NIPAL3: variants seen among roughly 807,000 people sequenced by gnomAD.
NIPAL3 encodes NIPA-like protein 3.
Under a neutral mutation model 47.2 loss-of-function variants are expected in NIPAL3, and 41 were observed. The ratio of observed to expected loss-of-function variants is 0.87; its 90% CI spans 0.68 to 1.13. The LOEUF is 1.13. Among genes scored for constraint, NIPAL3 ranks in the 50% most tolerant of loss-of-function variants. NIPAL3 has a pLI of 0.00. For synonymous variants in NIPAL3, 194 were observed against 209.6 expected (o/e 0.93, Z 0.64); for missense variants, 449 against 530.1 (o/e 0.85, Z 1.50).
At chr1:24,435,755 A>T (rs1570255122) in intron 2 of NIPAL3, among the ~76,000 whole-genome samples, 1 of 152,296 alleles carries the variant, frequency 6.6e-6, no homozygotes, top group Non-Finnish European at 1.5e-5. Flanking sequence ...GGGGAGGAGG[A>T]CACCTTGCCA....
At chr1:24,418,867 C>T (rs1167382035) in intron 1 of NIPAL3, among the ~76,000 whole-genome samples, 1 of 150,684 alleles carries the variant, frequency 6.6e-6, no homozygotes, top group African/African-American at 2.4e-5. Context: ...TCTTCTGATT[C>T]TTTTCTTCCT....
intron 2 of NIPAL3, among the ~76,000 whole-genome samples, chr1:24,422,820 G>A (rs1644393834): frequency 6.6e-6 from 1 of 152,232 alleles, no homozygotes; most frequent in Non-Finnish European, 1.5e-5. Context: ...GCTTCACAGA[G>A]CATTATTCAA....
At chr1:24,422,961 T>A (rs1644401139) in intron 2 of NIPAL3, among the ~76,000 whole-genome samples, 1 of 152,244 alleles carries the variant, frequency 6.6e-6, no homozygotes, top group African/African-American at 2.4e-5. Flanking sequence ...GGTGCATACA[T>A]GTTACTGACG....
At chr1:24,464,214 C>T (rs1646602796) in intron 11 of NIPAL3, 94 bp downstream of exon 11, 1 of 887,256 alleles carries the variant, frequency 1.1e-6, no homozygotes, top group Non-Finnish European at 1.7e-6. Flanking sequence ...TGTGCTGTGC[C>T]TTTATCGTGT....
At chr1:24,441,967 C>A in intron 3 of NIPAL3, 88 bp from the exon 4 acceptor site, 1 of 1,376,374 alleles carries the variant, frequency 7.3e-7, no homozygotes, top group Non-Finnish European at 1.0e-6. Context: ...AATTTATTTG[C>A]AAGTTGGGGG....
At chr1:24,423,347 G>A (rs1472355762) in intron 2 of NIPAL3, among the ~76,000 whole-genome samples, 1 of 152,160 alleles carries the variant, frequency 6.6e-6, no homozygotes, top group Non-Finnish European at 1.5e-5. Context: ...GATTTTTGTT[G>A]CTTACATTTC....
chr1:24,470,384 A>T lies in NIPAL3; in HGVS notation c.*1199A>T, dbSNP rs1482775291. 1 of 152,234 alleles carries T rather than the reference A, an allele frequency of 6.6e-6. No individual in the cohort carries two copies. The highest frequency in any genetic ancestry group is 2.4e-5 in the African/African-American group (1 of 41,450). 9.4% of individuals were successfully genotyped at this position (152,234 alleles called of 1,614,324 possible). A position where few individuals can be genotyped will look rare whatever the true frequency, so the allele number is the denominator to read the frequency against. On this transcript the variant is annotated 3_prime_UTR_variant, in exon 12 of 12. Transcript: ENST00000374399. ...GCAGATTCCTGCACCCCAACTGCAG[A>T]CACTGTTAAGTGGGACTGGAGTGGG...
chr1:24,433,291 A>G (rs1644957679), intron 2 of NIPAL3: 1 of 152,220 alleles, frequency 6.6e-6, no homozygotes, highest in South Asian at 2.1e-4. Context: ...GCAGTTCCTT[A>G]GGATTACGAT....
chr1:24,471,398 AC>A lies in NIPAL3; in HGVS notation c.*2215del, dbSNP rs1004336600. The A allele has an allele frequency of 3.5e-4, 54 of 152,928 alleles. No individual in the cohort carries two copies. The highest frequency in any genetic ancestry group is 1.3e-3 in the African/African-American group (53 of 41,516). The allele number at this position is 152,928 out of a possible 1,614,324, so 9.5% of individuals were successfully genotyped here. On this transcript the variant is annotated 3_prime_UTR_variant, in exon 12 of 12. Transcript: ENST00000374399. Reference sequence around the variant, plus strand: ...ATATCAGCCTGGGCAACATAGCAAGACCTCATCTCTGCTAAAAATTAAAAAT... The same window carrying A: ...ATATCAGCCTGGGCAACATAGCAAGACTCATCTCTGCTAAAAATTAAAAAT...
chr1:24,422,212 T>A (rs1477963713), intron 2 of NIPAL3: 1 of 152,266 alleles, frequency 6.6e-6, no homozygotes. Flanking sequence ...ATCTCGCTCC[T>A]TGGTCTTCTT....
At chr1:24,429,145 C>T (rs11804809) in intron 2 of NIPAL3, among the ~76,000 whole-genome samples, 14 of 152,304 alleles carry the variant, frequency 9.2e-5, no homozygotes, top group Admixed American at 2.6e-4. Context: ...CATGGTGGCT[C>T]ACCCCTGTAA....
chr1:24,436,988 A>G (rs1645144821), intron 2 of NIPAL3, among the ~76,000 whole-genome samples: 1 of 151,642 alleles, frequency 6.6e-6, no homozygotes. Flanking sequence ...GTGGTGGCTC[A>G]CGCCTGTAAT....
At chr1:24,445,362 T>A (rs544335683) in intron 5 of NIPAL3, 118 bp downstream of exon 5, 1 of 686,964 alleles carries the variant, frequency 1.5e-6, no homozygotes, top group Non-Finnish European at 2.5e-6. Flanking sequence ...TGTGGTTCTA[T>A]GTTCTGCCCT....
chr1:24,420,854 T>C (rs1040487087), intron 2 of NIPAL3, among the ~76,000 whole-genome samples: 1 of 152,178 alleles, frequency 6.6e-6, no homozygotes, highest in African/African-American at 2.4e-5. Context: ...AGTGTAAATC[T>C]CTGTGCTGAT....
chr1:24,421,766 C>A (rs1644344112), intron 2 of NIPAL3: 1 of 152,198 alleles, frequency 6.6e-6, no homozygotes, highest in Admixed American at 6.5e-5. Context: ...CACATAATGG[C>A]CAGTGTTTGT....
At chr1:24,439,815 A>G (rs1645291192) in intron 2 of NIPAL3, among the ~76,000 whole-genome samples, 1 of 152,226 alleles carries the variant, frequency 6.6e-6, no homozygotes, top group Non-Finnish European at 1.5e-5. Flanking sequence ...GATAGCAAAA[A>G]GTATTCTCTG....
At chr1:24,438,253 C>T (rs898303234) in intron 2 of NIPAL3, among the ~76,000 whole-genome samples, 1 of 152,184 alleles carries the variant, frequency 6.6e-6, no homozygotes, top group Non-Finnish European at 1.5e-5. Flanking sequence ...TGCTGCTCAT[C>T]GGGTGAGTCA....
At chr1:24,419,843 A>G in intron 2 of NIPAL3, 2 of 493,624 alleles carry the variant, frequency 4.1e-6, no homozygotes, top group Non-Finnish European at 7.3e-6. Flanking sequence ...TAATCCCAGC[A>G]CTTTGGGAGG....
In NIPAL3 at chr1:24,451,871, GT is replaced by G. The variant is rs1449548615; in HGVS notation, c.541-1534del. Among the ~76,000 whole-genome samples the G allele has an allele frequency of 1.3e-5, 2 of 152,162 alleles. No homozygotes were observed. The highest frequency in any genetic ancestry group is 2.9e-5 in the Non-Finnish European group (2 of 68,028). On this transcript the variant is annotated intron_variant, in intron 6 of 11. Transcript: ENST00000374399. The surrounding 1 kb of genome is among the most constrained non-coding windows in gnomAD (Gnocchi z 4.5). ...GACAACTTCACAAAACATGAAGATTGTTTATGGTAACTAAAAACAGCCCAGT... is the reference window on the plus strand; with the variant it reads ...GACAACTTCACAAAACATGAAGATTGTTATGGTAACTAAAAACAGCCCAGT...
Sources: allele counts gnomAD v4.1 joint callset (sites outside exome capture counted in the v4.1 genomes callset), GRCh38; gene constraint gnomAD v4.1.1; non-coding constraint Gnocchi (gnomAD v3.1); transcripts MANE v1.5; gene names NCBI Gene and HGNC (gene_info 2026-07-23, HGNC 2026-07-21).